Variants in FBP2 observed in about 807,000 individuals in gnomAD.
FBP2 encodes the protein fructose-1,6-bisphosphatase isozyme 2.
A neutral mutation model predicts 31.6 loss-of-function variants in FBP2; 27 were observed. The observed-to-expected ratio is 0.85, with a 90% CI of 0.63 to 1.18. The LOEUF is 1.18. Ranked by LOEUF, FBP2 falls within the 50% of genes most tolerant of loss-of-function variation. The probability of loss-of-function intolerance (pLI) is 0.00; values close to 1 mark genes in which losing one functional copy is unlikely to be tolerated. For synonymous variants in FBP2, 168 were observed against 179.8 expected (o/e 0.93, Z 0.53); for missense variants, 421 against 436.1 (o/e 0.97, Z 0.31).
chr9:94,565,911 T>C (rs1365398698), intron 5 of FBP2, among the ~76,000 whole-genome samples: 4 of 152,156 alleles, frequency 2.6e-5, no homozygotes, highest in African/African-American at 4.8e-5. Flanking sequence ...TGCCCTTGAC[T>C]AATTACACCC....
chr9:94,565,790 GATA>G (rs1827180306), intron 5 of FBP2, among the ~76,000 whole-genome samples: 3 of 125,834 alleles, frequency 2.4e-5, no homozygotes, highest in African/African-American at 1.2e-4. Flanking sequence ...ATAGATAGAT[GATA>G]GATAGGTGAG....
chr9:94,563,376 A>G lies in FBP2; in HGVS notation c.791T>C (p.Leu264Pro). The G allele has an allele frequency of 1.9e-6, 3 of 1,614,150 alleles. No homozygotes were observed. The highest frequency in any genetic ancestry group is 2.2e-5 in the South Asian group (2 of 91,080). Residue 264 changes from leucine to proline, a missense_variant, in exon 6 of 7, where the codon CTG becomes CCG. Coordinates refer to ENST00000375337, the MANE Select transcript of FBP2 (RefSeq NM_003837.4). ...HRTLVYGGIF[L>P]YPANQKSPKG... ...AGGGCTCTTCTGGTTGGCTGGGTAC[A>G]GGAAGATTCCTCCATAGACCAGGGT...
rs369735140 is a variant in FBP2 at position 94,591,333 on chromosome 9, A to G, written c.170+2224T>C. On this transcript the variant is annotated intron_variant, in intron 1 of 6. Transcript: ENST00000375337. ...CCAGCGAGAAATCGAGCGCAGCGCCAGTGGGCCAGCACTGCTGGGGGACTC... is the reference window on the plus strand; with the variant it reads ...CCAGCGAGAAATCGAGCGCAGCGCCGGTGGGCCAGCACTGCTGGGGGACTC... Among the ~76,000 whole-genome samples, 376 of 152,198 alleles carry G rather than the reference A, an allele frequency of 2.5e-3. 4 individuals carry two copies. The East Asian group carries it at 0.028, about 11-fold the overall frequency.
intron 4 of FBP2, chr9:94,570,390 T>C (rs1354561321): frequency 2.0e-5 from 3 of 152,234 alleles, no homozygotes; most frequent in Non-Finnish European, 2.9e-5. Context: ...TCACTCTCTC[T>C]ACGCCTCACT....
At chr9:94,588,776 C>T (rs772357603) in intron 1 of FBP2, among the ~76,000 whole-genome samples, 2 of 152,112 alleles carry the variant, frequency 1.3e-5, no homozygotes, top group African/African-American at 2.4e-5. Context: ...TCCAAGTCCC[C>T]GCAAGTGGGT....
intron 5 of FBP2, among the ~76,000 whole-genome samples, chr9:94,567,043 C>T (rs1475844006): frequency 5.3e-5 from 8 of 152,076 alleles, no homozygotes; most frequent in Admixed American, 5.2e-4. Context: ...AGAATTTATC[C>T]TGGAAAAACT....
At chr9:94,584,015 C>T (rs1343628258) in intron 3 of FBP2, among the ~76,000 whole-genome samples, 1 of 152,176 alleles carries the variant, frequency 6.6e-6, no homozygotes, top group Non-Finnish European at 1.5e-5. Context: ...CCACCCAGCT[C>T]TCTGTTGCTA....
intron 6 of FBP2, among the ~76,000 whole-genome samples, chr9:94,563,029 G>A (rs1827132349): frequency 6.6e-6 from 1 of 152,214 alleles, no homozygotes; most frequent in Admixed American, 6.5e-5. Flanking sequence ...AGCTGGTGCT[G>A]AAGCTAAAAG....
At chr9:94,593,504 C>A (rs556448037) in intron 1 of FBP2, 53 bp downstream of exon 1, 2 of 1,542,272 alleles carry the variant, frequency 1.3e-6, no homozygotes, top group East Asian at 2.3e-5. Flanking sequence ...GCTCCCACAC[C>A]CCTGCCTGGG....
At chr9:94,587,271 C>A in intron 2 of FBP2, 36 bp downstream of exon 2, 2 of 1,568,140 alleles carry the variant, frequency 1.3e-6, no homozygotes, top group South Asian at 1.2e-5. Flanking sequence ...GTATCATCAT[C>A]TACTGGCGAG....
intron 3 of FBP2, 65 bp from the exon 4 acceptor site, chr9:94,571,667 G>A: frequency 6.9e-7 from 1 of 1,452,366 alleles, no homozygotes; most frequent in Non-Finnish European, 9.3e-7. Flanking sequence ...TTTGCCAGGG[G>A]CCTGGGCTTC....
intron 3 of FBP2, among the ~76,000 whole-genome samples, chr9:94,582,353 T>TGTGC (rs1361215262): frequency 0.031 from 86 of 2,768 alleles, no homozygotes; most frequent in African/African-American, 0.049. Context: ...TGTGTGTGCG[T>TGTGC]GTGTGTGTGT....
Position 94,593,645 on chromosome 9 carries a change from TC to T in FBP2, c.81del (p.Thr28LeufsTer8). ...TTCAGCAGCTGGGTGAGCTCCCCAG[TC>T]CCTTTGGCCTGACGCCCCTTTTCCA... ...YVMEKGRQAK[G>X]TGELTQLLNS... On this transcript the variant is annotated frameshift_variant, in exon 1 of 7. Transcript: ENST00000375337. LOFTEE classifies it high-confidence loss of function. 3.1e-6 allele frequency: 5 copies of T among 1,614,172 alleles called. No individual in the cohort carries two copies. In the Middle Eastern group the frequency reaches 6.6e-4, roughly 213 times the overall value.
At position 94,584,680 on chromosome 9, in the gene FBP2, G is replaced by C; in HGVS notation, c.334-11C>G. The C allele has an allele frequency of 6.4e-7, 1 of 1,567,398 alleles. No homozygotes were observed. The highest frequency in any genetic ancestry group is 8.8e-7 in the Non-Finnish European group (1 of 1,137,426). On this transcript the variant is annotated splice_polypyrimidine_tract_variant and intron_variant, in intron 2 of 6. Coordinates refer to ENST00000375337, the MANE Select transcript of FBP2 (RefSeq NM_003837.4). ...GACCACGTATTTCCCCTAAATCAGAGAGGAAAGCACCAACTGATCAGCACA... is the reference window on the plus strand; with the variant it reads ...GACCACGTATTTCCCCTAAATCAGACAGGAAAGCACCAACTGATCAGCACA...
rs1004057283 is a variant in FBP2, at chr9:94,558,856, C to T, written c.*82G>A. 1.1e-5 allele frequency: 15 copies of T among 1,304,966 alleles called. No homozygotes were observed. The highest frequency in any genetic ancestry group is 2.9e-5 in the African/African-American group (2 of 68,158). The allele number at this position is 1,304,966 out of a possible 1,614,324, so 80.8% of individuals were successfully genotyped here. On this transcript the variant is annotated 3_prime_UTR_variant, in exon 7 of 7. Coordinates refer to ENST00000375337, the MANE Select transcript of FBP2 (RefSeq NM_003837.4). Reference sequence around the variant, plus strand: ...GGATTTACCTTTTGTATACTCATAGCTACCATCTCTGTTTATCGTTCATTT... The same window carrying T: ...GGATTTACCTTTTGTATACTCATAGTTACCATCTCTGTTTATCGTTCATTT...
At chr9:94,585,992 C>A (rs1827422952) in intron 2 of FBP2, among the ~76,000 whole-genome samples, 1 of 152,180 alleles carries the variant, frequency 6.6e-6, no homozygotes, top group African/African-American at 2.4e-5. Flanking sequence ...CCTCAGCCTC[C>A]CAAAGCACCG....
At chr9:94,562,216 A>C (rs773036933) in intron 6 of FBP2, among the ~76,000 whole-genome samples, 1 of 149,860 alleles carries the variant, frequency 6.7e-6, no homozygotes, top group African/African-American at 2.5e-5. Flanking sequence ...AGGCTGAGGC[A>C]GGAGAATGGT....
chr9:94,582,174 A>G (rs766722374), intron 3 of FBP2, among the ~76,000 whole-genome samples: 1 of 152,214 alleles, frequency 6.6e-6, no homozygotes, highest in African/African-American at 2.4e-5. Context: ...GAAAGCACAC[A>G]CTGTGTGCCT....
chr9:94,578,913 T>TG (rs1827344217), intron 3 of FBP2, among the ~76,000 whole-genome samples: 2 of 145,318 alleles, frequency 1.4e-5, no homozygotes, highest in South Asian at 4.4e-4. Flanking sequence ...ATTAGCTGGG[T>TG]GTGGTGGCGG....
Sources: gnomAD v4.1 joint callset for allele counts (sites outside exome capture counted in the v4.1 genomes callset) on GRCh38, gnomAD v4.1.1 for gene constraint, MANE v1.5 for transcripts, NCBI Gene and HGNC (gene_info 2026-07-23, HGNC 2026-07-21) for gene names.